Variants in SPTB observed in about 807,000 individuals in gnomAD.
The protein encoded by SPTB is spectrin beta chain, erythrocytic.
A neutral mutation model predicts 256.2 loss-of-function variants in SPTB; 45 were observed. The ratio of observed to expected loss-of-function variants is 0.18; its 90% CI spans 0.14 to 0.23. The LOEUF is 0.23. SPTB is among the 10% of genes least tolerant of loss of function. SPTB has a pLI of 1.00. For missense variants in SPTB, 2,715 were observed against 3,040.4 expected (o/e 0.89, Z 2.52); for synonymous variants, 1,231 against 1,243.1 (o/e 0.99, Z 0.21).
In SPTB at chr14:64,777,599, T is replaced by A. The variant is rs2082382532; in HGVS notation, c.4563+1558A>T. On this transcript the variant is annotated intron_variant, in intron 22 of 35. Transcript: ENST00000644917. The surrounding 1 kb of genome is among the most constrained non-coding windows in gnomAD (Gnocchi z 4.5). ...CCAGCAGCATCGGCATCACCTAGGA[T>A]CTTGTTGGAAATGCAAATTATTAGG... Among the ~76,000 whole-genome samples the A allele has an allele frequency of 6.6e-6, 1 of 152,002 alleles. No homozygotes were observed. The highest frequency in any genetic ancestry group is 2.4e-5 in the African/African-American group (1 of 41,374).
At chr14:64,797,467 C>CAAAAAAAAAAA (rs57385615) in intron 10 of SPTB, among the ~76,000 whole-genome samples, 1 of 31,010 alleles carries the variant, frequency 3.2e-5, no homozygotes, top group African/African-American at 1.2e-4. Flanking sequence ...ACCCTGTCTC[C>CAAAAAAAAAAA]AAAAAAAAAA....
intron 1 of SPTB, among the ~76,000 whole-genome samples, chr14:64,865,168 C>T (rs542145043): frequency 3.9e-5 from 6 of 152,108 alleles, no homozygotes; most frequent in African/African-American, 1.2e-4. Flanking sequence ...GCATTCCCAC[C>T]GTCTTACAGA....
chr14:64,873,693 C>T lies in SPTB; in HGVS notation c.-52+6099G>A, dbSNP rs552978879. Among the ~76,000 whole-genome samples, 3 of 152,236 alleles carry T rather than the reference C, an allele frequency of 2.0e-5. No homozygotes were observed. Among genetic ancestry groups the T allele is most frequent in the Admixed American group, 6.5e-5 (1 of 15,292 alleles). Reference sequence around the variant, plus strand: ...TTCTGCTGAAGAAAAAAAGCAACCGCGGTCTCAACCAGAAGGCCCAGAATA... The same window carrying T: ...TTCTGCTGAAGAAAAAAAGCAACCGTGGTCTCAACCAGAAGGCCCAGAATA... On this transcript the variant is annotated intron_variant, in intron 1 of 35. Coordinates refer to ENST00000644917, the MANE Select transcript of SPTB (RefSeq NM_001355436.2). The surrounding 1 kb of genome is among the most constrained non-coding windows in gnomAD (Gnocchi z 4.3).
In SPTB at chr14:64,793,114, A is replaced by G. The variant is rs1471849890; in HGVS notation, c.2549T>C (p.Leu850Pro). The G allele has an allele frequency of 5.6e-6, 9 of 1,614,116 alleles. No individual in the cohort carries two copies. The highest frequency in any genetic ancestry group is 7.6e-6 in the Non-Finnish European group (9 of 1,180,042). Reference sequence around the variant, plus strand: ...GTCTGTCTCCCCGAACACCGTGTACAGGTCCAGGGCTTCCTGCAGCCTCTG... The same window carrying G: ...GTCTGTCTCCCCGAACACCGTGTACGGGTCCAGGGCTTCCTGCAGCCTCTG... Reference protein sequence around the residue: ...RQQRLQEALDLYTVFGETDAC... With the variant: ...RQQRLQEALDPYTVFGETDAC... The change falls in exon 14 of 36, where the codon CTG becomes CCG. Residue 850 changes from leucine (L) to proline (P), a missense_variant. By Grantham distance (98) the Leu-to-Pro change is moderately conservative. Transcript: ENST00000644917. This position sits in a 1 kb window ranked among gnomAD's most constrained non-coding sequence, Gnocchi z 7.0.
At position 64,779,063 on chromosome 14, in the gene SPTB, T is replaced by C. The variant is rs1212678436; in HGVS notation, c.4563+94A>G. The stretch of plus-strand genomic sequence containing the variant: ...AACAAGAACAATAATCTGCTGTTGC[T>C]AGCCTTCTGCAGGTCAGGGCTGGGC... On this transcript the variant is annotated intron_variant, in intron 22 of 35. Coordinates refer to ENST00000644917, the MANE Select transcript of SPTB (RefSeq NM_001355436.2). This position sits in a 1 kb window ranked among gnomAD's most constrained non-coding sequence, Gnocchi z 4.2. 2 of 925,884 alleles carry C rather than the reference T, an allele frequency of 2.2e-6. No homozygotes were observed. Among genetic ancestry groups the C allele is most frequent in the East Asian group, 5.2e-5 (2 of 38,486 alleles). 57.4% of individuals were successfully genotyped at this position (925,884 alleles called of 1,614,324 possible). A position where few individuals can be genotyped will look rare whatever the true frequency, so the allele number is the denominator to read the frequency against.
At chr14:64,839,056 C>T (rs773017605) in intron 1 of SPTB, among the ~76,000 whole-genome samples, 4 of 151,908 alleles carry the variant, frequency 2.6e-5, no homozygotes, top group African/African-American at 4.8e-5. Flanking sequence ...TGCTTGAACC[C>T]GGGAGGCAGA....
In SPTB at chr14:64,792,240, A is replaced by G. The variant is rs943599412; in HGVS notation, c.2667-384T>C. Among the ~76,000 whole-genome samples, 1 of 152,174 alleles carries G rather than the reference A, an allele frequency of 6.6e-6. No individual in the cohort carries two copies. Among genetic ancestry groups the G allele is most frequent in the African/African-American group, 2.4e-5 (1 of 41,426 alleles). ...TTCCGGCTGTTGCTTTTGGACTCTG[A>G]GTCCAATGCCTTGACATCTTAACCC... is the stretch of plus-strand genomic sequence containing the variant. On this transcript the variant is annotated intron_variant, in intron 14 of 35. Coordinates refer to ENST00000644917, the MANE Select transcript of SPTB (RefSeq NM_001355436.2). This position sits in a 1 kb window ranked among gnomAD's most constrained non-coding sequence, Gnocchi z 4.2.
Position 64,803,475 on chromosome 14 carries a change from C to T in SPTB, c.474+132G>A. The T allele has an allele frequency of 9.7e-6, 11 of 1,134,352 alleles. No individual in the cohort carries two copies. The South Asian group carries it at 1.4e-4, about 15-fold the overall frequency. The allele number at this position is 1,134,352 out of a possible 1,614,324, so 70.3% of individuals were successfully genotyped here. A position where few individuals can be genotyped will look rare whatever the true frequency, so the allele number is the denominator to read the frequency against. On this transcript the variant is annotated intron_variant, in intron 4 of 35. Coordinates refer to ENST00000644917, the MANE Select transcript of SPTB (RefSeq NM_001355436.2). ...GGTTACTCCTTCCTACAAGCACTGT[C>T]CCATGTGGCAGATTTACAGCCTTCC...
Position 64,759,924 on chromosome 14 carries a change from CT to C in SPTB, c.6346-6132del, listed in dbSNP as rs2082069163. 6.6e-6 allele frequency among the ~76,000 whole-genome samples: 1 copy of C among 152,142 alleles called. No homozygotes were observed. The highest frequency in any genetic ancestry group is 6.5e-5 in the Admixed American group (1 of 15,278). On this transcript the variant is annotated intron_variant, in intron 32 of 35. Transcript: ENST00000644917. This position sits in a 1 kb window ranked among gnomAD's most constrained non-coding sequence, Gnocchi z 4.8. ...TGGGCTGAATAAGGGAAGGCACTGC[CT>C]TTAGTCCTCTGGTTTGGGGAAGAGG... is the stretch of plus-strand genomic sequence containing the variant.
At position 64,786,938 on chromosome 14, in the gene SPTB, G is replaced by A. The variant is rs757402675; in HGVS notation, c.3027C>T (p.Ala1009=). 6 of 1,613,658 alleles carry A rather than the reference G, an allele frequency of 3.7e-6. No homozygotes were observed. Among genetic ancestry groups the A allele is most frequent in the Non-Finnish European group, 4.2e-6 (5 of 1,180,034 alleles). Residue 1009 remains alanine (A), a synonymous_variant, in exon 16 of 36, where the codon GCC becomes GCT. Coordinates refer to ENST00000644917, the MANE Select transcript of SPTB (RefSeq NM_001355436.2). The surrounding 1 kb of genome is among the most constrained non-coding windows in gnomAD (Gnocchi z 5.6). ...ACTCACGCTCCAGGGCATCCACACGGGCCTGGATGGCGGCCACGTCACGCT... is the reference window on the plus strand; with the variant it reads ...ACTCACGCTCCAGGGCATCCACACGAGCCTGGATGGCGGCCACGTCACGCT... ...GLERDVAAIQ[A]RVDALERESQ...
chr14:64,784,003 TC>T lies in SPTB; in HGVS notation c.4002+243del, dbSNP rs535550079. On this transcript the variant is annotated intron_variant, in intron 19 of 35. Transcript: ENST00000644917. ...TGGACACTGAAGCTCTAACTAGATG[TC>T]CTCAGTGTCCTGGGCTGTCCCCAGA... Among the ~76,000 whole-genome samples the T allele has an allele frequency of 4.6e-5, 7 of 152,346 alleles. No individual in the cohort carries two copies. The East Asian group carries it at 1.3e-3, about 29-fold the overall frequency.
In SPTB at chr14:64,785,714, T is replaced by C; in HGVS notation, c.3764+35A>G. On this transcript the variant is annotated intron_variant, in intron 17 of 35. Transcript: ENST00000644917. The surrounding 1 kb of genome is among the most constrained non-coding windows in gnomAD (Gnocchi z 4.4). ...GGGGTCCTCACTACCCCCGTGTGGCTCTGGGGGCCTCGTGGCCCTGGGGCC... is the reference window on the plus strand; with the variant it reads ...GGGGTCCTCACTACCCCCGTGTGGCCCTGGGGGCCTCGTGGCCCTGGGGCC... The C allele has an allele frequency of 6.2e-7, 1 of 1,613,484 alleles. No individual in the cohort carries two copies. Among genetic ancestry groups the C allele is most frequent in the Non-Finnish European group, 8.5e-7 (1 of 1,179,438 alleles).
At chr14:64,797,662 T>G in intron 10 of SPTB, 67 bp downstream of exon 10, 1 of 1,226,638 alleles carries the variant, frequency 8.2e-7, no homozygotes. Context: ...CCAATGACCA[T>G]TCACTGTGTC....
chr14:64,837,267 G>A (rs1160985882), intron 1 of SPTB, among the ~76,000 whole-genome samples: 1 of 152,174 alleles, frequency 6.6e-6, no homozygotes, highest in Non-Finnish European at 1.5e-5. Flanking sequence ...CCCTATTCTA[G>A]CATCTTGTAT....
rs188401574 is a variant in SPTB at position 64,872,774 on chromosome 14, G to T, written c.-52+7018C>A. Among the ~76,000 whole-genome samples the T allele has an allele frequency of 3.0e-3, 455 of 152,316 alleles. 7 individuals are homozygous for T. The highest frequency in any genetic ancestry group is 0.024 in the South Asian group (118 of 4,830). On this transcript the variant is annotated intron_variant, in intron 1 of 35. Transcript: ENST00000644917. ...GGTGGGAGGTAACTGAATCACGGGG[G>T]TGGGTTTTCCTGTGCTGTTCTCGTG...
Position 64,753,763 on chromosome 14 carries a change from G to A in SPTB, c.6376C>T (p.Leu2126=), listed in dbSNP as rs992923811. The part of the protein sequence containing the change: ...GEEEGTWPQN[L]QQPPPPGQHK... ...TGACCCGGCGGTGGTGGCTGCTGCA[G>A]GTTCTGAGGCCACGTTCCCTCTTCT... The change falls in exon 33 of 36, where the codon CTG becomes TTG. Residue 2126 remains leucine, a synonymous_variant. Coordinates refer to ENST00000644917, the MANE Select transcript of SPTB (RefSeq NM_001355436.2). 6.2e-7 allele frequency: 1 copy of A among 1,613,334 alleles called. No individual in the cohort carries two copies. The highest frequency in any genetic ancestry group is 1.3e-5 in the African/African-American group (1 of 74,904).
intron 3 of SPTB, 131 bp from the exon 4 acceptor site, chr14:64,803,911 A>T: frequency 1.1e-6 from 1 of 912,268 alleles, no homozygotes; most frequent in Non-Finnish European, 1.7e-6. Flanking sequence ...TCCCATGGTC[A>T]TTCATTGACA....
intron 31 of SPTB, 53 bp downstream of exon 31, chr14:64,767,250 C>T (rs1594753388): frequency 6.2e-7 from 1 of 1,609,592 alleles, no homozygotes. Flanking sequence ...AAGGCACCCC[C>T]TACTCCCACT....
At chr14:64,835,721 C>T (rs1405017436) in intron 1 of SPTB, among the ~76,000 whole-genome samples, 1 of 152,176 alleles carries the variant, frequency 6.6e-6, no homozygotes. Flanking sequence ...GATTGTGTGG[C>T]AGAGCTCAGA....
Sources: allele counts gnomAD v4.1 joint callset (sites outside exome capture counted in the v4.1 genomes callset), GRCh38; gene constraint gnomAD v4.1.1; non-coding constraint Gnocchi (gnomAD v3.1); transcripts MANE v1.5; gene names NCBI Gene and HGNC (gene_info 2026-07-23, HGNC 2026-07-21).